PCCA: variants seen among roughly 807,000 people sequenced by gnomAD.
PCCA encodes propionyl-CoA carboxylase subunit alpha, also known as propionyl-CoA carboxylase alpha chain, mitochondrial.
Under a neutral mutation model 101.3 loss-of-function variants are expected in PCCA, and 74 were observed. The ratio of observed to expected loss-of-function variants is 0.73; its 90% confidence interval spans 0.61 to 0.89. The LOEUF (loss-of-function observed/expected upper bound fraction) is 0.89, where lower values mean the gene tolerates loss of function less well. PCCA is among the 40% of genes least tolerant of loss of function. The pLI is 0.00. For synonymous variants in PCCA, 294 were observed against 313.6 expected (o/e 0.94, Z 0.66); for missense variants, 891 against 907.0 (o/e 0.98, Z 0.23).
At chr13:100,497,753 C>T (rs1456584459) in intron 21 of PCCA, among the ~76,000 whole-genome samples, 3 of 152,090 alleles carry the variant, frequency 2.0e-5, no homozygotes, top group African/African-American at 4.8e-5. Flanking sequence ...AAGAATTTAG[C>T]GAGGTTTCCA....
At chr13:100,367,762 G>C (rs1335655322) in intron 18 of PCCA, among the ~76,000 whole-genome samples, 1 of 150,432 alleles carries the variant, frequency 6.6e-6, no homozygotes, top group Non-Finnish European at 1.5e-5. Flanking sequence ...TTCAAGACCA[G>C]CCTGACCAAA....
chr13:100,089,206 C>T lies in PCCA; in HGVS notation c.86C>T (p.Ala29Val). Residue 29 changes from alanine (A) to valine (V), a missense_variant, in exon 1 of 24, where the codon GCG (alanine) becomes GTG (valine). Ala to Val is a moderately conservative substitution (Grantham distance 64). Coordinates refer to ENST00000376285, the MANE Select transcript of PCCA (RefSeq NM_000282.4). The part of the protein sequence containing the change: ...RWPPQQLMLS[A>V]ALRTLKHVLY... ...CCGCCGCAGCAGCTGATGCTGAGCG[C>T]GGCGCTGCGGACCCTGAAGGTGAGG... 1.3e-6 allele frequency: 2 copies of T among 1,522,664 alleles called. No homozygotes were observed. The highest frequency in any genetic ancestry group is 1.4e-5 in the African/African-American group (1 of 70,542). The allele number at this position is 1,522,664 out of a possible 1,614,324, so 94.3% of individuals were successfully genotyped here.
intron 21 of PCCA, among the ~76,000 whole-genome samples, chr13:100,509,645 C>G (rs1035981300): frequency 1.3e-5 from 2 of 152,142 alleles, no homozygotes; most frequent in Admixed American, 1.3e-4. Flanking sequence ...GGAAGAATAT[C>G]TCAAGTTGGA....
At chr13:100,470,727 G>A (rs1056247114) in intron 21 of PCCA, among the ~76,000 whole-genome samples, 1 of 152,026 alleles carries the variant, frequency 6.6e-6, no homozygotes, top group Non-Finnish European at 1.5e-5. Flanking sequence ...GGTGGCTTAC[G>A]CTTGTAGTCC....
chr13:100,416,007 C>CT (rs2078333658), intron 19 of PCCA, among the ~76,000 whole-genome samples: 1 of 152,106 alleles, frequency 6.6e-6, no homozygotes, highest in African/African-American at 2.4e-5. Flanking sequence ...AGGGTGTGTA[C>CT]TTTCTTTTTC....
intron 19 of PCCA, among the ~76,000 whole-genome samples, chr13:100,376,006 A>G (rs145464681): frequency 6.6e-6 from 1 of 152,194 alleles, no homozygotes; most frequent in African/African-American, 2.4e-5. Context: ...GATGTTGGTG[A>G]CCTTCGGATG....
At chr13:100,146,227 C>T (rs2052543346) in intron 4 of PCCA, among the ~76,000 whole-genome samples, 1 of 151,418 alleles carries the variant, frequency 6.6e-6, no homozygotes, top group African/African-American at 2.4e-5. Context: ...AGGCGTGAGC[C>T]ACCGCACCGG....
At chr13:100,350,081 C>T (rs1381970818) in intron 18 of PCCA, among the ~76,000 whole-genome samples, 1 of 152,040 alleles carries the variant, frequency 6.6e-6, no homozygotes, top group Non-Finnish European at 1.5e-5. Context: ...GAAATATGAT[C>T]TTAACCACTG....
At chr13:100,514,685 G>A (rs2086704632) in intron 21 of PCCA, among the ~76,000 whole-genome samples, 1 of 152,092 alleles carries the variant, frequency 6.6e-6, no homozygotes, top group Admixed American at 6.5e-5. Context: ...TTGTTTGAGA[G>A]CCACCTACAG....
chr13:100,143,554 A>T (rs1266417516), intron 4 of PCCA, among the ~76,000 whole-genome samples: 1 of 150,274 alleles, frequency 6.7e-6, no homozygotes, highest in East Asian at 1.9e-4. Context: ...AAAAAAATAA[A>T]AAAAAAAAAT....
intron 2 of PCCA, among the ~76,000 whole-genome samples, chr13:100,106,329 A>G (rs1418177204): frequency 1.3e-5 from 2 of 152,206 alleles, no homozygotes; most frequent in African/African-American, 4.8e-5. Context: ...AGTTACAGAA[A>G]TAGCTAACTG....
chr13:100,469,240 TTC>T (rs1433530762), intron 21 of PCCA, among the ~76,000 whole-genome samples: 3 of 109,362 alleles, frequency 2.7e-5, no homozygotes, highest in Admixed American at 1.0e-4. Context: ...ATCCCTTTGG[TTC>T]CAGAAAATCT....
intron 19 of PCCA, among the ~76,000 whole-genome samples, chr13:100,380,037 A>C (rs976515394): frequency 6.6e-6 from 1 of 151,990 alleles, no homozygotes; most frequent in Non-Finnish European, 1.5e-5. Flanking sequence ...ATCTAAACAC[A>C]CACACACACA....
chr13:100,328,991 C>CT (rs534310079), intron 16 of PCCA, among the ~76,000 whole-genome samples: 6,171 of 96,234 alleles, frequency 0.064, 288 homozygotes, highest in East Asian at 0.3. Context: ...CGCGCCTGGA[C>CT]TTTTTTTTTT....
At chr13:100,248,312 T>G (rs370195195) in intron 8 of PCCA, among the ~76,000 whole-genome samples, 12 of 152,144 alleles carry the variant, frequency 7.9e-5, no homozygotes, top group African/African-American at 2.7e-4. Context: ...TTAAAAAAAA[T>G]GTCTCTTGTT....
chr13:100,265,342 C>T lies in PCCA; in HGVS notation c.819+2511C>T, dbSNP rs115142816. 1.6e-3 allele frequency among the ~76,000 whole-genome samples: 251 copies of T among 152,150 alleles called. 1 individual carries two copies. Among genetic ancestry groups the T allele is most frequent in the African/African-American group, 5.8e-3 (240 of 41,516 alleles). On this transcript the variant is annotated intron_variant, in intron 10 of 23. Coordinates refer to ENST00000376285, the MANE Select transcript of PCCA (RefSeq NM_000282.4). ...AGAGTAATTTTTAAAATTCTGATAT[C>T]CACTTTTTCCAGCATCATTTATTGC...
At chr13:100,138,910 G>A (rs532193378) in intron 4 of PCCA, among the ~76,000 whole-genome samples, 1 of 136,712 alleles carries the variant, frequency 7.3e-6, no homozygotes, top group African/African-American at 2.8e-5. Context: ...ACTCCAGCCT[G>A]GGAGACAGAG....
intron 10 of PCCA, among the ~76,000 whole-genome samples, chr13:100,265,733 C>T (rs1240532462): frequency 6.6e-6 from 1 of 151,964 alleles, no homozygotes; most frequent in Non-Finnish European, 1.5e-5. Context: ...TCCTTCGCTC[C>T]CTCCCTCCTT....
chr13:100,422,123 C>CCTTTCT (rs1567109672), intron 19 of PCCA, among the ~76,000 whole-genome samples: 6 of 56,328 alleles, frequency 1.1e-4, no homozygotes, highest in Non-Finnish European at 1.1e-4. Context: ...TCTTTCTTTT[C>CCTTTCT]TTTCTTTCTT....
Sources: allele counts gnomAD v4.1 joint callset (sites outside exome capture counted in the v4.1 genomes callset), GRCh38; gene constraint gnomAD v4.1.1; transcripts MANE v1.5; gene names NCBI Gene and HGNC (gene_info 2026-07-23, HGNC 2026-07-21).